UNC13C: variants seen among roughly 807,000 people sequenced by gnomAD.
The protein encoded by UNC13C is unc-13 homolog C, also known as protein unc-13 homolog C.
In UNC13C, 174 loss-of-function variants were observed where a neutral mutation model predicts 245.4. That is an observed-to-expected ratio of 0.71 (90% CI 0.63 to 0.80). The LOEUF (loss-of-function observed/expected upper bound fraction) is 0.80, where lower values mean the gene tolerates loss of function less well. UNC13C is among the 30% of genes least tolerant of loss of function. The pLI, the probability that UNC13C is intolerant of heterozygous loss-of-function variation, is 0.00. For synonymous variants in UNC13C, 992 were observed against 895.1 expected (o/e 1.11, Z -1.93); for missense variants, 2,829 against 2,602.9 (o/e 1.09, Z -1.89).
the UNC13C span, among the ~76,000 whole-genome samples, chr15:53,965,927 T>C: frequency 1.3e-5 from 2 of 152,202 alleles, no homozygotes; most frequent in African/African-American, 2.4e-5. Context: ...TAGTATTCCA[T>C]GGTGTATATG....
intron 8 of UNC13C, among the ~76,000 whole-genome samples, chr15:54,257,091 A>G (rs2036299457): frequency 6.6e-6 from 1 of 152,220 alleles, no homozygotes; most frequent in African/African-American, 2.4e-5. Flanking sequence ...GAAAAAATAG[A>G]AATAAATCTT....
chr15:54,294,182 G>T, intron 11 of UNC13C, 118 bp downstream of exon 11: 1 of 870,564 alleles, frequency 1.1e-6, no homozygotes. Context: ...ACATTCTGTT[G>T]AACTTTAGAT....
rs1280062608 is a variant in UNC13C, at chr15:53,992,171, A to G, written c.-257+13244A>G. 3.3e-5 allele frequency among the ~76,000 whole-genome samples: 5 copies of G among 152,182 alleles called. No homozygotes were observed. The East Asian group carries it at 9.7e-4, about 29-fold the overall frequency. On this transcript the variant is annotated intron_variant, in intron 1 of 32. Transcript: ENST00000260323. Reference sequence around the variant, plus strand: ...TTTAATATCACTGGAGAAGGAATGTATCCCATAATGATACATTCTCCTCTG... The same window carrying G: ...TTTAATATCACTGGAGAAGGAATGTGTCCCATAATGATACATTCTCCTCTG...
intron 24 of UNC13C, among the ~76,000 whole-genome samples, chr15:54,523,141 G>C (rs998052920): frequency 1.3e-5 from 2 of 152,148 alleles, no homozygotes; most frequent in Admixed American, 6.5e-5. Flanking sequence ...ATTTGTAGGA[G>C]TAAGAAAAAT....
chr15:54,333,977 A>G lies in UNC13C; in HGVS notation c.4584+121A>G, dbSNP rs1023041620. 1.8e-5 allele frequency: 12 copies of G among 670,030 alleles called. No individual in the cohort carries two copies. In the East Asian group the frequency reaches 1.9e-4, roughly 11 times the overall value. 41.5% of individuals were successfully genotyped at this position (670,030 alleles called of 1,614,324 possible). On this transcript the variant is annotated intron_variant, in intron 16 of 32. Coordinates refer to ENST00000260323, the MANE Select transcript of UNC13C (RefSeq NM_001080534.3). ...GTGTTAACTCCATCGATTAAGCTGT[A>G]CTATCTTTGCCTGAACTCGATGAAT...
chr15:53,985,078 CCT>C (rs1894076835), intron 1 of UNC13C, among the ~76,000 whole-genome samples: 1 of 151,752 alleles, frequency 6.6e-6, no homozygotes, highest in African/African-American at 2.4e-5. Flanking sequence ...ATTGACCCAT[CCT>C]CTAAGTTCCC....
chr15:54,466,741 T>C (rs1385378243), intron 19 of UNC13C, among the ~76,000 whole-genome samples: 1 of 151,880 alleles, frequency 6.6e-6, no homozygotes, highest in Non-Finnish European at 1.5e-5. Flanking sequence ...TGGGGTGGGA[T>C]TGGAAGATTG....
At chr15:54,232,056 T>C (rs1164277938) in intron 4 of UNC13C, among the ~76,000 whole-genome samples, 1 of 152,106 alleles carries the variant, frequency 6.6e-6, no homozygotes, top group Admixed American at 6.5e-5. Context: ...CAAGTGCTTC[T>C]CTATTCATGA....
chr15:53,965,624 G>T, the UNC13C span, among the ~76,000 whole-genome samples: 2 of 150,640 alleles, frequency 1.3e-5, no homozygotes, highest in Non-Finnish European at 3.0e-5. Context: ...GTGCATGTTA[G>T]TTACATATGT....
At chr15:54,556,791 G>GA (rs1389345655) in intron 29 of UNC13C, among the ~76,000 whole-genome samples, 1 of 151,698 alleles carries the variant, frequency 6.6e-6, no homozygotes. Context: ...AGGAAGAAAA[G>GA]AAAAAAATTT....
At chr15:54,224,687 T>C (rs1406611050) in intron 4 of UNC13C, among the ~76,000 whole-genome samples, 1 of 152,188 alleles carries the variant, frequency 6.6e-6, no homozygotes, top group Non-Finnish European at 1.5e-5. Flanking sequence ...TCACTTCTCC[T>C]ACATTATTTC....
At position 54,264,194 on chromosome 15, in the gene UNC13C, G is replaced by T; in HGVS notation, c.3475G>T (p.Gly1159Cys). The change falls in exon 9 of 33, where the codon GGT becomes TGT. Residue 1159 changes from glycine (G) to cysteine (C), a missense_variant. Coordinates refer to ENST00000260323, the MANE Select transcript of UNC13C (RefSeq NM_001080534.3). ...QRAAEKSSKH[G>C]AEDKTQTIIT... The stretch of plus-strand genomic sequence containing the variant: ...AGCAGCAGAAAAGAGTTCTAAACAT[G>T]GTGCCGAAGACAAGACTCAGACCAT... The T allele has an allele frequency of 6.3e-7, 1 of 1,584,890 alleles. No individual in the cohort carries two copies. The highest frequency in any genetic ancestry group is 8.6e-7 in the Non-Finnish European group (1 of 1,164,712).
At chr15:54,024,864 G>A (rs1036047672) in intron 2 of UNC13C, among the ~76,000 whole-genome samples, 5 of 152,048 alleles carry the variant, frequency 3.3e-5, no homozygotes, top group Non-Finnish European at 5.9e-5. Context: ...GCAGTGAGCC[G>A]AGATGGCACC....
chr15:54,583,543 C>T (rs1898306353), intron 30 of UNC13C, among the ~76,000 whole-genome samples: 1 of 152,156 alleles, frequency 6.6e-6, no homozygotes, highest in Non-Finnish European at 1.5e-5. Context: ...TTGATTCCTG[C>T]TTATTAGGGC....
chr15:54,446,842 T>G (rs745323869), intron 19 of UNC13C, among the ~76,000 whole-genome samples: 72 of 152,182 alleles, frequency 4.7e-4, no homozygotes, highest in Non-Finnish European at 7.9e-4. Flanking sequence ...ATAGGAGTGG[T>G]GAGAGAGGGC....
intron 2 of UNC13C, among the ~76,000 whole-genome samples, chr15:54,081,870 T>C (rs1167305704): frequency 1.3e-5 from 2 of 152,174 alleles, no homozygotes; most frequent in Non-Finnish European, 1.5e-5. Context: ...TGTAGCTGCT[T>C]TATGGGATCT....
intron 2 of UNC13C, among the ~76,000 whole-genome samples, chr15:54,134,160 C>T (rs1349254617): frequency 6.6e-6 from 1 of 151,448 alleles, no homozygotes; most frequent in Non-Finnish European, 1.5e-5. Context: ...TGTATTAGAT[C>T]CCCAGAATTT....
intron 2 of UNC13C, among the ~76,000 whole-genome samples, chr15:54,021,893 C>T (rs1044753321): frequency 6.6e-6 from 1 of 152,188 alleles, no homozygotes; most frequent in East Asian, 1.9e-4. Context: ...GTAACATGCT[C>T]TATATGTTAA....
At chr15:54,527,999 A>G (rs1895551593) in intron 25 of UNC13C, among the ~76,000 whole-genome samples, 1 of 152,128 alleles carries the variant, frequency 6.6e-6, no homozygotes, top group South Asian at 2.1e-4. Flanking sequence ...ACTCTTCTTA[A>G]GGTCTAAATT....
Sources: gnomAD v4.1 joint callset for allele counts (sites outside exome capture counted in the v4.1 genomes callset) on GRCh38, gnomAD v4.1.1 for gene constraint, MANE v1.5 for transcripts, NCBI Gene and HGNC (gene_info 2026-07-23, HGNC 2026-07-21) for gene names.